IL1RAPL1: variants seen among roughly 807,000 people sequenced by gnomAD.
IL1RAPL1 encodes the protein interleukin 1 receptor accessory protein like 1.
Under a neutral mutation model 48.4 loss-of-function variants are expected in IL1RAPL1, and 3 were observed. The ratio of observed to expected loss-of-function variants is 0.06; its 90% CI spans 0.03 to 0.16. IL1RAPL1 has a LOEUF of 0.16. Ranked by LOEUF, IL1RAPL1 falls within the 10% of genes least tolerant of loss-of-function variation. The pLI is 1.00. For missense variants in IL1RAPL1, 349 were observed against 530.6 expected (o/e 0.66, Z 3.36); for synonymous variants, 185 against 187.7 (o/e 0.99, Z 0.12).
intron 5 of IL1RAPL1, among the ~76,000 whole-genome samples, chrX:29,593,014 C>G (rs1015797480): frequency 1.8e-5 from 2 of 112,402 alleles, no homozygotes; most frequent in African/African-American, 3.2e-5. Flanking sequence ...AGAAGGTGAT[C>G]CACGCTGCTT....
intron 5 of IL1RAPL1, among the ~76,000 whole-genome samples, chrX:29,490,852 G>GTATATA (rs753856512): frequency 1.1e-5 from 1 of 93,667 alleles, no homozygotes. Flanking sequence ...GTGTGTGTGT[G>GTATATA]TATATATATA....
intron 9 of IL1RAPL1, among the ~76,000 whole-genome samples, chrX:29,951,828 G>A (rs904531578): frequency 2.7e-5 from 3 of 111,309 alleles, no homozygotes; most frequent in African/African-American, 6.5e-5. Context: ...AGGTAGGAGT[G>A]GGGGACTGTC....
intron 5 of IL1RAPL1, among the ~76,000 whole-genome samples, chrX:29,443,532 A>G (rs1293565253): frequency 9.0e-6 from 1 of 111,268 alleles, no homozygotes; most frequent in Non-Finnish European, 1.9e-5. Context: ...TGGTTTTGGG[A>G]GGGCAGACCA....
chrX:29,165,353 A>G (rs1929767660), intron 2 of IL1RAPL1, among the ~76,000 whole-genome samples: 1 of 112,012 alleles, frequency 8.9e-6, no homozygotes, highest in South Asian at 3.7e-4. Flanking sequence ...TGAAAAAAAT[A>G]AAATTAAACT....
chrX:29,681,595 T>C (rs1057143398), intron 6 of IL1RAPL1, among the ~76,000 whole-genome samples: 1 of 112,258 alleles, frequency 8.9e-6, no homozygotes, highest in Non-Finnish European at 1.9e-5. Context: ...TTTCATTTAC[T>C]CTTCTCTGCA....
At chrX:29,310,377 C>G (rs1384811499) in intron 3 of IL1RAPL1, among the ~76,000 whole-genome samples, 1 of 110,324 alleles carries the variant, frequency 9.1e-6, no homozygotes, top group Non-Finnish European at 1.9e-5. Flanking sequence ...AACTAGAAAA[C>G]AGAACATAGC....
At chrX:28,726,709 A>G (rs938904463) in intron 1 of IL1RAPL1, among the ~76,000 whole-genome samples, 6 of 111,906 alleles carry the variant, frequency 5.4e-5, no homozygotes, top group African/African-American at 9.7e-5. Flanking sequence ...TAGTGTTCCT[A>G]TGAAGTAAAT....
intron 2 of IL1RAPL1, among the ~76,000 whole-genome samples, chrX:29,225,416 AC>A (rs1348402643): frequency 1.8e-5 from 2 of 111,775 alleles, no homozygotes; most frequent in Non-Finnish European, 3.8e-5. Context: ...GTGCATCACA[AC>A]CTTTACTGGG....
chrX:29,696,244 A>G (rs1317439926), intron 6 of IL1RAPL1, among the ~76,000 whole-genome samples: 1 of 111,729 alleles, frequency 9.0e-6, no homozygotes, highest in Non-Finnish European at 1.9e-5. Flanking sequence ...CTGTAGGGCA[A>G]AAGTCATCCC....
intron 1 of IL1RAPL1, among the ~76,000 whole-genome samples, chrX:28,736,153 G>C (rs975697172): frequency 5.4e-5 from 6 of 111,315 alleles, no homozygotes; most frequent in African/African-American, 2.0e-4. Flanking sequence ...TGGCTCACAG[G>C]CTGGGCGTGG....
chrX:29,374,286 C>CTTTTTTTTTT (rs747182215), intron 3 of IL1RAPL1, among the ~76,000 whole-genome samples: 1 of 4,755 alleles, frequency 2.1e-4, no homozygotes, highest in Non-Finnish European at 4.5e-4. Context: ...TGGTTGGTTG[C>CTTTTTTTTTT]TTTTTTTTTT....
chrX:29,945,546 T>C (rs757117416), intron 9 of IL1RAPL1, among the ~76,000 whole-genome samples: 5 of 112,535 alleles, frequency 4.4e-5, no homozygotes, highest in Non-Finnish European at 9.4e-5. Context: ...TATAGCAATA[T>C]GATAATAATA....
At chrX:28,783,833 C>A (rs1936446961) in intron 1 of IL1RAPL1, among the ~76,000 whole-genome samples, 1 of 111,197 alleles carries the variant, frequency 9.0e-6, no homozygotes, top group African/African-American at 3.3e-5. Context: ...CATGACCTAT[C>A]CAGGCTGCAC....
chrX:29,080,744 CT>C (rs759930481), intron 2 of IL1RAPL1, among the ~76,000 whole-genome samples: 4,034 of 96,795 alleles, frequency 0.042, 99 homozygotes, highest in African/African-American at 0.061. Context: ...CAAGCAAATA[CT>C]TTTTTTTTTT....
intron 3 of IL1RAPL1, among the ~76,000 whole-genome samples, chrX:29,388,478 A>C (rs775892717): frequency 2.3e-4 from 26 of 112,566 alleles, no homozygotes; most frequent in Admixed American, 8.5e-4. Context: ...TTGTTCATGC[A>C]TGTTCATAGC....
At chrX:29,913,120 CCT>C (rs1838603301) in intron 6 of IL1RAPL1, among the ~76,000 whole-genome samples, 1 of 111,099 alleles carries the variant, frequency 9.0e-6, no homozygotes, top group South Asian at 3.8e-4. Flanking sequence ...CACTAAGGCC[CCT>C]GGTTAGAGAC....
intron 2 of IL1RAPL1, among the ~76,000 whole-genome samples, chrX:29,016,088 A>G (rs1602012953): frequency 8.9e-6 from 1 of 111,843 alleles, no homozygotes; most frequent in African/African-American, 3.2e-5. Flanking sequence ...TAATAAATAC[A>G]GCTCAGTTCT....
intron 2 of IL1RAPL1, among the ~76,000 whole-genome samples, chrX:29,274,272 C>T (rs999676963): frequency 2.7e-5 from 3 of 112,196 alleles, no homozygotes; most frequent in Admixed American, 9.4e-5. Flanking sequence ...TATGATTACA[C>T]ATATGAATGT....
intron 6 of IL1RAPL1, among the ~76,000 whole-genome samples, chrX:29,735,419 G>A (rs1484257778): frequency 1.8e-5 from 2 of 111,553 alleles, no homozygotes; most frequent in African/African-American, 6.5e-5. Flanking sequence ...ATTACCCCTT[G>A]CCATCTAATT....
Sources: gnomAD v4.1 joint callset for allele counts (sites outside exome capture counted in the v4.1 genomes callset) on GRCh38, gnomAD v4.1.1 for gene constraint, MANE v1.5 for transcripts, NCBI Gene and HGNC (gene_info 2026-07-23, HGNC 2026-07-21) for gene names.